SGMS1: variants seen among roughly 807,000 people sequenced by gnomAD.
The protein encoded by SGMS1 is sphingomyelin synthase 1, also known as phosphatidylcholine:ceramide cholinephosphotransferase 1.
In SGMS1, 13 loss-of-function variants were observed where a neutral mutation model predicts 46.2. The observed-to-expected ratio is 0.28, with a 90% CI of 0.18 to 0.45. The LOEUF (loss-of-function observed/expected upper bound fraction) is 0.45, where lower values mean the gene tolerates loss of function less well. Ranked by LOEUF, SGMS1 falls within the 20% of genes least tolerant of loss-of-function variation. SGMS1 has a pLI of 1.00. For synonymous variants in SGMS1, 203 were observed against 187.8 expected (o/e 1.08, Z -0.66); for missense variants, 324 against 519.9 (o/e 0.62, Z 3.66).
intron 2 of SGMS1, among the ~76,000 whole-genome samples, chr10:50,552,189 C>T (rs571090790): frequency 1.7e-3 from 266 of 152,294 alleles, no homozygotes; most frequent in African/African-American, 6.2e-3. Context: ...CCACATTATC[C>T]CTGAATCATT....
At chr10:50,594,388 C>T (rs1838571043) in intron 1 of SGMS1, among the ~76,000 whole-genome samples, 1 of 152,162 alleles carries the variant, frequency 6.6e-6, no homozygotes, top group South Asian at 2.1e-4. Flanking sequence ...CTGGTATCTT[C>T]TTGAAGGAGA....
At chr10:50,480,247 A>G (rs1837463945) in intron 3 of SGMS1, among the ~76,000 whole-genome samples, 1 of 152,142 alleles carries the variant, frequency 6.6e-6, no homozygotes, top group South Asian at 2.1e-4. Context: ...CATGGTCCAC[A>G]TGACATTGAG....
chr10:50,338,275 A>C (rs1406959694), intron 7 of SGMS1, among the ~76,000 whole-genome samples: 1 of 152,098 alleles, frequency 6.6e-6, no homozygotes, highest in Non-Finnish European at 1.5e-5. Context: ...CAACTGTCCA[A>C]TGGTTTCTTT....
chr10:50,609,105 C>A (rs1280893642), intron 1 of SGMS1, among the ~76,000 whole-genome samples: 1 of 152,128 alleles, frequency 6.6e-6, no homozygotes, highest in Non-Finnish European at 1.5e-5. Context: ...CCACCTCAGT[C>A]TCCCTGGTAT....
intron 7 of SGMS1, chr10:50,334,483 G>A (rs1847682027): frequency 6.6e-6 from 1 of 152,118 alleles, no homozygotes; most frequent in Admixed American, 6.5e-5. Flanking sequence ...GGCTTGCTTA[G>A]TCACAGCCAG....
At chr10:50,615,575 C>G (rs1838789104) in intron 1 of SGMS1, among the ~76,000 whole-genome samples, 1 of 152,192 alleles carries the variant, frequency 6.6e-6, no homozygotes, top group Non-Finnish European at 1.5e-5. Context: ...CTCTTCACCA[C>G]TGTACTATAA....
intron 3 of SGMS1, among the ~76,000 whole-genome samples, chr10:50,482,023 A>G (rs1422646920): frequency 6.6e-6 from 1 of 152,212 alleles, no homozygotes; most frequent in Non-Finnish European, 1.5e-5. Flanking sequence ...AAGATTATGT[A>G]AAAAGACCAA....
intron 5 of SGMS1, among the ~76,000 whole-genome samples, chr10:50,436,760 G>A (rs1442135840): frequency 6.6e-6 from 1 of 152,064 alleles, no homozygotes; most frequent in African/African-American, 2.4e-5. Context: ...GAGCTAATAT[G>A]AAAATAAGGC....
intron 3 of SGMS1, among the ~76,000 whole-genome samples, chr10:50,490,370 TAGG>T (rs1837557262): frequency 6.6e-6 from 1 of 152,214 alleles, no homozygotes; most frequent in East Asian, 1.9e-4. Flanking sequence ...ATATGACGCC[TAGG>T]AGAAGGCATT....
At chr10:50,382,568 T>TACAC (rs57835243) in intron 6 of SGMS1, among the ~76,000 whole-genome samples, 18,886 of 142,622 alleles carry the variant, frequency 0.13, 1,348 homozygotes, top group Middle Eastern at 0.21. Flanking sequence ...AACACACACA[T>TACAC]ACACACACAC....
At chr10:50,477,914 C>A (rs1350337257) in intron 3 of SGMS1, among the ~76,000 whole-genome samples, 1 of 152,106 alleles carries the variant, frequency 6.6e-6, no homozygotes, top group African/African-American at 2.4e-5. Flanking sequence ...AACCTCTTTT[C>A]TTTATAAATT....
chr10:50,375,561 G>C (rs1848511570), intron 6 of SGMS1, among the ~76,000 whole-genome samples: 1 of 152,186 alleles, frequency 6.6e-6, no homozygotes, highest in Non-Finnish European at 1.5e-5. Context: ...ATGATCAGGG[G>C]ACAAGCTGTT....
chr10:50,526,804 C>T (rs1371205085), intron 2 of SGMS1, among the ~76,000 whole-genome samples: 2 of 151,994 alleles, frequency 1.3e-5, no homozygotes, highest in South Asian at 2.1e-4. Flanking sequence ...CGGTGGCTCA[C>T]GCCTGTAATC....
At chr10:50,430,568 C>T (rs1433633295) in intron 6 of SGMS1, among the ~76,000 whole-genome samples, 1 of 151,458 alleles carries the variant, frequency 6.6e-6, no homozygotes, top group African/African-American at 2.4e-5. Context: ...AAGTTCTATC[C>T]AATTAGCAAT....
intron 2 of SGMS1, among the ~76,000 whole-genome samples, chr10:50,545,313 T>C (rs941511627): frequency 1.3e-5 from 2 of 152,190 alleles, no homozygotes; most frequent in Non-Finnish European, 2.9e-5. Context: ...GTGTGTCCCC[T>C]GTGCTGGGTG....
rs548510551 is a variant in SGMS1 at position 50,588,430 on chromosome 10, C to G, written c.-589+1723G>C. Among the ~76,000 whole-genome samples, 6 of 152,174 alleles carry G rather than the reference C, an allele frequency of 3.9e-5. No individual in the cohort carries two copies. The East Asian group carries it at 9.6e-4, about 24-fold the overall frequency. ...GGAAAGCAGAACAGTCGACAGCCAT[C>G]TTGCAAGAACCACAGATAACTGATG... On this transcript the variant is annotated intron_variant, in intron 2 of 10. Transcript: ENST00000361781.
At chr10:50,443,743 CT>C (rs1000032684) in intron 5 of SGMS1, among the ~76,000 whole-genome samples, 33 of 151,852 alleles carry the variant, frequency 2.2e-4, no homozygotes, top group African/African-American at 6.0e-4. Context: ...ACATAAAAGA[CT>C]TTTTTTCTTA....
chr10:50,335,996 T>C (rs1462502275), intron 7 of SGMS1: 2 of 152,176 alleles, frequency 1.3e-5, no homozygotes, highest in African/African-American at 4.8e-5. Flanking sequence ...AGACCTAAAA[T>C]TGTAAATTAG....
chr10:50,379,776 C>T (rs1163190048), intron 6 of SGMS1, among the ~76,000 whole-genome samples: 3 of 152,132 alleles, frequency 2.0e-5, no homozygotes, highest in Admixed American at 2.0e-4. Context: ...CCTTCTCTTG[C>T]AGTCATATTT....
Sources: gnomAD v4.1 joint callset for allele counts (sites outside exome capture counted in the v4.1 genomes callset) on GRCh38, gnomAD v4.1.1 for gene constraint, MANE v1.5 for transcripts, NCBI Gene and HGNC (gene_info 2026-07-23, HGNC 2026-07-21) for gene names.